Variants in RPN2 observed in about 807,000 individuals in gnomAD.
RPN2 encodes the protein dolichyl-diphosphooligosaccharide--protein glycosyltransferase subunit 2.
A neutral mutation model predicts 71.4 loss-of-function variants in RPN2; 29 were observed. That is an observed-to-expected ratio of 0.41 (90% CI 0.30 to 0.55). The LOEUF (loss-of-function observed/expected upper bound fraction) is 0.55, where lower values mean the gene tolerates loss of function less well. Among genes scored for constraint, RPN2 ranks in the 20% least tolerant of loss-of-function variants. RPN2 has a pLI of 0.35. For synonymous variants in RPN2, 308 were observed against 305.0 expected (o/e 1.01, Z -0.10); for missense variants, 726 against 774.1 (o/e 0.94, Z 0.74).
intron 9 of RPN2, 76 bp from the exon 10 acceptor site, chr20:37,223,802 A>G: frequency 8.1e-7 from 1 of 1,241,084 alleles, no homozygotes; most frequent in Non-Finnish European, 1.2e-6. Context: ...TAAAGAATAG[A>G]AAACTTTATA....
At chr20:37,207,199 T>C (rs974206898) in intron 6 of RPN2, 74 bp from the exon 7 acceptor site, 17 of 1,234,626 alleles carry the variant, frequency 1.4e-5, no homozygotes, top group Non-Finnish European at 2.0e-5. Context: ...TAAGGGTGAC[T>C]TTCCTCTACA....
rs745642373 is a variant in RPN2 at position 37,234,109 on chromosome 20, G to T, written c.1753+14G>T. 1 of 1,613,632 alleles carries T rather than the reference G, an allele frequency of 6.2e-7. No individual in the cohort carries two copies. Among genetic ancestry groups the T allele is most frequent in the Non-Finnish European group, 8.5e-7 (1 of 1,179,738 alleles). ...TGGGACATGCTGGTAAGTGCCCCAG[G>T]CTGCTAATTACCTGTAACGTCCTCT... On this transcript the variant is annotated intron_variant, in intron 15 of 16. Transcript: ENST00000237530.
At chr20:37,227,594 T>C (rs944133758) in intron 11 of RPN2, among the ~76,000 whole-genome samples, 2 of 152,230 alleles carry the variant, frequency 1.3e-5, no homozygotes, top group Admixed American at 1.3e-4. Context: ...ACACATGAGA[T>C]GTAGATTTTC....
intron 14 of RPN2, 105 bp downstream of exon 14, chr20:37,232,496 AG>A: frequency 7.3e-7 from 1 of 1,368,016 alleles, no homozygotes; most frequent in Non-Finnish European, 1.0e-6. Context: ...AAAGCTCCAG[AG>A]GGGTCCAGCA....
chr20:37,229,877 A>G (rs1483603958), intron 12 of RPN2, 96 bp from the exon 13 acceptor site: 19 of 954,760 alleles, frequency 2.0e-5, no homozygotes, highest in South Asian at 3.9e-5. Context: ...AGCTTTTTTC[A>G]GTTATGGTCT....
intron 12 of RPN2, 72 bp downstream of exon 12, chr20:37,228,816 G>A: frequency 1.4e-6 from 2 of 1,429,498 alleles, no homozygotes; most frequent in Non-Finnish European, 2.0e-6. Context: ...CTTTTTCAGG[G>A]GCATGGGGCT....
chr20:37,223,806 CTT>C, intron 9 of RPN2, 70 bp from the exon 10 acceptor site: 2 of 1,289,888 alleles, frequency 1.6e-6, no homozygotes, highest in Middle Eastern at 1.9e-4. Context: ...GAATAGAAAA[CTT>C]TATATCTGCA....
At chr20:37,204,439 T>A (rs1600778281) in intron 5 of RPN2, among the ~76,000 whole-genome samples, 1 of 152,232 alleles carries the variant, frequency 6.6e-6, no homozygotes, top group Non-Finnish European at 1.5e-5. Flanking sequence ...TGATGCTTCC[T>A]GGGTGCACAG....
intron 1 of RPN2, among the ~76,000 whole-genome samples, chr20:37,183,713 T>C (rs2066934435): frequency 6.6e-6 from 1 of 152,128 alleles, no homozygotes; most frequent in Non-Finnish European, 1.5e-5. Flanking sequence ...AAGGAAGAGG[T>C]GCTTGAGCTG....
rs1197350008 is a variant in RPN2 at position 37,234,059 on chromosome 20, G to A, written c.1717G>A (p.Ala573Thr). ...IGANVSNFTF[A>T]PSTIIFHLGH... ...TGCCAATGTCTCCAACTTCACTTTT[G>A]CTCCTAGCACGATTATATTTCACCT... is the stretch of plus-strand genomic sequence containing the variant. Residue 573 changes from alanine (A) to threonine (T), a missense_variant, in exon 15 of 17, where the codon GCT (alanine) becomes ACT (threonine). Physicochemically the swap from Ala to Thr is moderately conservative, Grantham distance 58. Transcript: ENST00000237530. The A allele has an allele frequency of 6.2e-7, 1 of 1,614,066 alleles. No homozygotes were observed. Among genetic ancestry groups the A allele is most frequent in the Admixed American group, 1.7e-5 (1 of 60,004 alleles).
chr20:37,207,558 C>A lies in RPN2; in HGVS notation c.867+109C>A, dbSNP rs573102515. ...CAATTACAGCCCCTACAAGGACATA[C>A]CCATTAAATGGAGGGCAAGGCTCAT... is the stretch of plus-strand genomic sequence containing the variant. On this transcript the variant is annotated intron_variant, in intron 7 of 16. Transcript: ENST00000237530. The A allele has an allele frequency of 5.8e-6, 6 of 1,035,854 alleles. No homozygotes were observed. The East Asian group carries it at 1.2e-4, about 20-fold the overall frequency. 64.2% of individuals were successfully genotyped at this position (1,035,854 alleles called of 1,614,324 possible). A position where few individuals can be genotyped will look rare whatever the true frequency, so the allele number is the denominator to read the frequency against.
At chr20:37,232,711 G>A (rs2068285733) in intron 14 of RPN2, among the ~76,000 whole-genome samples, 1 of 152,158 alleles carries the variant, frequency 6.6e-6, no homozygotes, top group South Asian at 2.1e-4. Context: ...TCCGATGCTG[G>A]TAGCTATAAA....
chr20:37,203,875 T>C lies in RPN2; in HGVS notation c.480-10T>C. ...TGCCATTCATTGGGGTTCTACTCTT[T>C]ACCTTCCAGAACAGTCCAGGCTCTG... On this transcript the variant is annotated splice_polypyrimidine_tract_variant and intron_variant, in intron 4 of 16. Transcript: ENST00000237530. 6.2e-7 allele frequency: 1 copy of C among 1,610,400 alleles called. No homozygotes were observed. Among genetic ancestry groups the C allele is most frequent in the Non-Finnish European group, 8.5e-7 (1 of 1,176,566 alleles).
At chr20:37,212,678 A>C (rs1257910395) in intron 8 of RPN2, among the ~76,000 whole-genome samples, 2 of 151,964 alleles carry the variant, frequency 1.3e-5, no homozygotes, top group Non-Finnish European at 2.9e-5. Context: ...ATGGGGTTTC[A>C]CCATGTTGGC....
At chr20:37,237,990 G>A (rs1197430196) in intron 16 of RPN2, among the ~76,000 whole-genome samples, 1 of 152,108 alleles carries the variant, frequency 6.6e-6, no homozygotes, top group Admixed American at 6.5e-5. Context: ...TCAGGAGTTG[G>A]AGACCAGCCT....
Position 37,235,875 on chromosome 20 carries a change from C to G in RPN2, c.1754-705C>G, listed in dbSNP as rs571025410. 1.1e-4 allele frequency among the ~76,000 whole-genome samples: 16 copies of G among 152,188 alleles called. No homozygotes were observed. In the East Asian group the frequency reaches 2.9e-3, roughly 28 times the overall value. On this transcript the variant is annotated intron_variant, in intron 15 of 16. Coordinates refer to ENST00000237530, the MANE Select transcript of RPN2 (RefSeq NM_002951.5). The stretch of plus-strand genomic sequence containing the variant: ...ATGTTGGCCAGGGTGGTCTCGAATG[C>G]CTGACCTCAAGTGATCCTTCTGCCT...
rs771202515 is a variant in RPN2, at chr20:37,179,660, C to T, written c.13+291C>T. On this transcript the variant is annotated intron_variant, in intron 1 of 16. Coordinates refer to ENST00000237530, the MANE Select transcript of RPN2 (RefSeq NM_002951.5). The stretch of plus-strand genomic sequence containing the variant: ...GACGCGCTTAGCCTAGGTCTGGCCT[C>T]ATTCATTTCACTCGCGCGGGCTTCT... 1.6e-5 allele frequency: 8 copies of T among 487,700 alleles called. 1 individual carries two copies. The highest frequency in any genetic ancestry group is 2.2e-5 in the Non-Finnish European group (7 of 312,516). 30.2% of individuals were successfully genotyped at this position (487,700 alleles called of 1,614,324 possible). A position where few individuals can be genotyped will look rare whatever the true frequency, so the allele number is the denominator to read the frequency against.
At chr20:37,194,656 G>T (rs2067215843) in intron 2 of RPN2, among the ~76,000 whole-genome samples, 1 of 152,232 alleles carries the variant, frequency 6.6e-6, no homozygotes, top group South Asian at 2.1e-4. Flanking sequence ...TGGAGAGACA[G>T]GGTGTACAAA....
intron 2 of RPN2, among the ~76,000 whole-genome samples, chr20:37,189,557 G>A (rs2067095868): frequency 6.6e-6 from 1 of 152,106 alleles, no homozygotes; most frequent in Admixed American, 6.6e-5. Context: ...TCTGCCCAAT[G>A]TTTTCTTCCT....
Sources: allele counts gnomAD v4.1 joint callset (sites outside exome capture counted in the v4.1 genomes callset), GRCh38; gene constraint gnomAD v4.1.1; transcripts MANE v1.5; gene names NCBI Gene and HGNC (gene_info 2026-07-23, HGNC 2026-07-21).